Variants in TMCC1 observed in about 807,000 individuals in gnomAD.
TMCC1 encodes transmembrane and coiled-coil domains protein 1.
Under a neutral mutation model 52.4 loss-of-function variants are expected in TMCC1, and 15 were observed. The observed-to-expected ratio is 0.29, with a 90% CI of 0.19 to 0.44. The LOEUF (loss-of-function observed/expected upper bound fraction) is 0.44. Ranked by LOEUF, TMCC1 falls within the 20% of genes least tolerant of loss-of-function variation. TMCC1 has a pLI of 1.00. For missense variants in TMCC1, 503 were observed against 806.0 expected, an observed-to-expected ratio of 0.62 and a Z score of 4.55; for synonymous variants, 279 against 301.9, an observed-to-expected ratio of 0.92 and a Z score of 0.79.
At chr3:129,688,826 C>T (rs1029112217) in intron 4 of TMCC1, 2 of 846,866 alleles carry the variant, frequency 2.4e-6, no homozygotes, top group African/African-American at 3.7e-5. Flanking sequence ...AAGCACCACA[C>T]TGGTTGGATT....
At chr3:129,786,892 G>A (rs953137081) in intron 4 of TMCC1, among the ~76,000 whole-genome samples, 1 of 152,186 alleles carries the variant, frequency 6.6e-6, no homozygotes, top group African/African-American at 2.4e-5. Flanking sequence ...GTGAGCTTAT[G>A]ATTAACTCGA....
rs532724837 is a variant in TMCC1, at chr3:129,681,823, G to A, written c.577-10559C>T. On this transcript the variant is annotated intron_variant, in intron 4 of 6. Coordinates refer to ENST00000393238, the MANE Select transcript of TMCC1 (RefSeq NM_001017395.5). ...CTTGGGAGGCTGAGGCAGGAGGATC[G>A]CTTGAACCTGGGAGGTGGAGGGTGT... Among the ~76,000 whole-genome samples, 14 of 151,546 alleles carry A rather than the reference G, an allele frequency of 9.2e-5. No homozygotes were observed. The South Asian group carries it at 2.5e-3, about 27-fold the overall frequency.
intron 4 of TMCC1, among the ~76,000 whole-genome samples, chr3:129,774,130 CA>C (rs1488800333): frequency 6.6e-6 from 1 of 152,012 alleles, no homozygotes; most frequent in African/African-American, 2.4e-5. Flanking sequence ...GAAATGTAGC[CA>C]ATTCTAGGTC....
intron 6 of TMCC1, among the ~76,000 whole-genome samples, chr3:129,652,747 C>T (rs548474739): frequency 9.2e-5 from 14 of 152,296 alleles, no homozygotes; most frequent in African/African-American, 3.1e-4. Context: ...CTCTTTCAAC[C>T]GACTGCCAGC....
intron 4 of TMCC1, among the ~76,000 whole-genome samples, chr3:129,814,441 A>G (rs2057995729): frequency 6.6e-6 from 1 of 152,174 alleles, no homozygotes; most frequent in African/African-American, 2.4e-5. Context: ...TTAACATACT[A>G]CCAGAGAAAA....
chr3:129,765,709 C>T (rs2054067928), intron 4 of TMCC1, among the ~76,000 whole-genome samples: 1 of 152,116 alleles, frequency 6.6e-6, no homozygotes, highest in Non-Finnish European at 1.5e-5. Context: ...CTACACAGGT[C>T]ATGGTCATCA....
intron 1 of TMCC1, among the ~76,000 whole-genome samples, chr3:129,883,318 T>C (rs1160880395): frequency 7.3e-6 from 1 of 137,586 alleles, no homozygotes; most frequent in Non-Finnish European, 1.6e-5. Context: ...AATCAATCAA[T>C]AAGGTTAAAA....
At chr3:129,728,930 C>T (rs931187279) in intron 4 of TMCC1, among the ~76,000 whole-genome samples, 4 of 152,164 alleles carry the variant, frequency 2.6e-5, no homozygotes, top group African/African-American at 9.7e-5. Context: ...AGTAGTAGTT[C>T]ATTGTATGTA....
chr3:129,701,034 C>T (rs1312649375), intron 4 of TMCC1, among the ~76,000 whole-genome samples: 2 of 152,180 alleles, frequency 1.3e-5, no homozygotes, highest in Non-Finnish European at 2.9e-5. Flanking sequence ...CCTTACTTCT[C>T]TTTCCACTCT....
chr3:129,853,240 A>C (rs889927850), intron 2 of TMCC1, among the ~76,000 whole-genome samples: 3 of 152,186 alleles, frequency 2.0e-5, no homozygotes, highest in African/African-American at 7.2e-5. Context: ...TGCAGTACAT[A>C]AACAAATACA....
At chr3:129,772,730 A>G (rs2054702286) in intron 4 of TMCC1, among the ~76,000 whole-genome samples, 1 of 151,456 alleles carries the variant, frequency 6.6e-6, no homozygotes, top group South Asian at 2.1e-4. Flanking sequence ...CTCAAAAAAA[A>G]AAAAAAAAAA....
chr3:129,824,762 C>T (rs1393092586), intron 4 of TMCC1, among the ~76,000 whole-genome samples: 2 of 152,146 alleles, frequency 1.3e-5, no homozygotes, highest in African/African-American at 4.8e-5. Context: ...AAGACATTCT[C>T]TTCATAGTAG....
intron 4 of TMCC1, among the ~76,000 whole-genome samples, chr3:129,796,454 A>G (rs1436784576): frequency 6.6e-6 from 1 of 152,206 alleles, no homozygotes; most frequent in Non-Finnish European, 1.5e-5. Flanking sequence ...GTCATGGAAC[A>G]TATCTCCTGT....
chr3:129,690,024 C>T (rs566639102), intron 4 of TMCC1, among the ~76,000 whole-genome samples: 1 of 152,274 alleles, frequency 6.6e-6, no homozygotes, highest in Admixed American at 6.5e-5. Context: ...AGACAATCAT[C>T]CTTATTGTAG....
intron 2 of TMCC1, among the ~76,000 whole-genome samples, chr3:129,863,732 C>T (rs922440929): frequency 2.0e-5 from 3 of 151,952 alleles, no homozygotes; most frequent in Non-Finnish European, 2.9e-5. Context: ...CGTGGTGGCG[C>T]GCACCTGTAA....
chr3:129,747,691 T>C (rs1454741688), intron 4 of TMCC1, among the ~76,000 whole-genome samples: 1 of 151,514 alleles, frequency 6.6e-6, no homozygotes, highest in Non-Finnish European at 1.5e-5. Flanking sequence ...CTCATCCCAC[T>C]TGGGCTCTGA....
chr3:129,793,931 T>C lies in TMCC1; in HGVS notation c.576+33872A>G, dbSNP rs1486373595. 3.3e-5 allele frequency among the ~76,000 whole-genome samples: 5 copies of C among 152,242 alleles called. No homozygotes were observed. In the East Asian group the frequency reaches 9.6e-4, roughly 29 times the overall value. Reference sequence around the variant, plus strand: ...AGTTTTTCTCAGTTTAATAGTGAAATGTATGAAAGCACTGATTCCACAGAG... The same window carrying C: ...AGTTTTTCTCAGTTTAATAGTGAAACGTATGAAAGCACTGATTCCACAGAG... On this transcript the variant is annotated intron_variant, in intron 4 of 6. Transcript: ENST00000393238.
chr3:129,871,339 C>T (rs2060918991), intron 2 of TMCC1, among the ~76,000 whole-genome samples: 1 of 141,482 alleles, frequency 7.1e-6, no homozygotes, highest in African/African-American at 2.7e-5. Context: ...CAAACTGGGC[C>T]TAGGCAACAG....
In TMCC1 at chr3:129,726,703, AC is replaced by A. The variant is rs542622642; in HGVS notation, c.577-55440del. Among the ~76,000 whole-genome samples, 148 of 150,962 alleles carry A rather than the reference AC, an allele frequency of 9.8e-4. 1 individual carries two copies. The highest frequency in any genetic ancestry group is 3.2e-3 in the African/African-American group (130 of 41,160). ...AGACCAGCCTGGCCAACATGGTAAAACCCTGTCTCTATTAAAAATACAAAAA... is the reference window on the plus strand; with the variant it reads ...AGACCAGCCTGGCCAACATGGTAAAACCTGTCTCTATTAAAAATACAAAAA... On this transcript the variant is annotated intron_variant, in intron 4 of 6. Coordinates refer to ENST00000393238, the MANE Select transcript of TMCC1 (RefSeq NM_001017395.5).
Sources: allele counts gnomAD v4.1 joint callset (sites outside exome capture counted in the v4.1 genomes callset), GRCh38; gene constraint gnomAD v4.1.1; transcripts MANE v1.5; gene names NCBI Gene and HGNC (gene_info 2026-07-23, HGNC 2026-07-21).